The following PLA2G5 variants were observed in gnomAD, a reference collection of about 807,000 sequenced individuals.
PLA2G5 encodes the protein phospholipase A2 group V.
Under a neutral mutation model 15.9 loss-of-function variants are expected in PLA2G5, and 12 were observed. The ratio of observed to expected loss-of-function variants is 0.76; its 90% CI spans 0.48 to 1.23. PLA2G5 has a LOEUF of 1.23. PLA2G5 is among the 50% of genes most tolerant of loss of function. The pLI, the probability that PLA2G5 is intolerant of heterozygous loss-of-function variation, is 0.00. For missense variants in PLA2G5, 169 were observed against 177.1 expected (o/e 0.95, Z 0.26); for synonymous variants, 71 against 71.4 (o/e 0.99, Z 0.03).
intron 1 of PLA2G5, among the ~76,000 whole-genome samples, chr1:20,078,461 A>C (rs953074688): frequency 1.3e-5 from 2 of 151,994 alleles, no homozygotes; most frequent in Non-Finnish European, 2.9e-5. Flanking sequence ...AGAAGAAACG[A>C]AAATACAGGA....
intron 1 of PLA2G5, among the ~76,000 whole-genome samples, chr1:20,033,424 A>G (rs1025010330): frequency 1.3e-5 from 2 of 152,208 alleles, no homozygotes; most frequent in African/African-American, 4.8e-5. Context: ...AGGGTTACCT[A>G]TGAATAAGAC....
At chr1:20,071,283 A>AT in intron 1 of PLA2G5, among the ~76,000 whole-genome samples, 1 of 152,336 alleles carries the variant, frequency 6.6e-6, no homozygotes, top group South Asian at 2.1e-4. Flanking sequence ...TTTATTAGCC[A>AT]TTCAACAAAC....
intron 1 of PLA2G5, among the ~76,000 whole-genome samples, chr1:20,057,652 C>A (rs2014503217): frequency 6.6e-6 from 1 of 152,148 alleles, no homozygotes; most frequent in Non-Finnish European, 1.5e-5. Flanking sequence ...GCATGTGCCA[C>A]CACACCCAGC....
intron 1 of PLA2G5, among the ~76,000 whole-genome samples, chr1:20,049,569 G>A (rs1418633176): frequency 6.6e-6 from 1 of 152,066 alleles, no homozygotes; most frequent in Non-Finnish European, 1.5e-5. Context: ...TTTTTCCCTT[G>A]CTGTTCTCAT....
intron 3 of PLA2G5, 133 bp downstream of exon 3, chr1:20,086,360 A>C: frequency 1.9e-6 from 2 of 1,038,502 alleles, no homozygotes; most frequent in South Asian, 3.3e-5. Flanking sequence ...GCCTCAAAGA[A>C]ATTAGCTGGC....
At chr1:20,061,934 T>C (rs2014755471) in intron 2 of PLA2G5, among the ~76,000 whole-genome samples, 1 of 152,170 alleles carries the variant, frequency 6.6e-6, no homozygotes. Context: ...ATATTGGAGG[T>C]GGAGCCTGGT....
chr1:20,041,598 T>G (rs1244932732), intron 1 of PLA2G5, among the ~76,000 whole-genome samples: 1 of 152,140 alleles, frequency 6.6e-6, no homozygotes, highest in Non-Finnish European at 1.5e-5. Context: ...TGAGAAGTGA[T>G]TTCCTTGAGG....
intron 1 of PLA2G5, among the ~76,000 whole-genome samples, chr1:20,053,282 T>C (rs2014265528): frequency 6.6e-6 from 1 of 152,194 alleles, no homozygotes; most frequent in East Asian, 1.9e-4. Flanking sequence ...TTTGTTCAAT[T>C]GTAGTACAAA....
intron 1 of PLA2G5, among the ~76,000 whole-genome samples, chr1:20,041,294 T>C (rs1001859191): frequency 6.6e-6 from 1 of 152,172 alleles, no homozygotes; most frequent in Non-Finnish European, 1.5e-5. Flanking sequence ...CACCTGTGTC[T>C]GTGTGAAGAG....
intron 1 of PLA2G5, among the ~76,000 whole-genome samples, chr1:20,048,933 T>C (rs1375116229): frequency 6.6e-6 from 1 of 152,178 alleles, no homozygotes; most frequent in Non-Finnish European, 1.5e-5. Flanking sequence ...CCAATAAAAA[T>C]ATATTCGTAG....
chr1:20,032,822 T>C (rs2100275425), intron 1 of PLA2G5, among the ~76,000 whole-genome samples: 1 of 152,270 alleles, frequency 6.6e-6, no homozygotes, highest in African/African-American at 2.4e-5. Flanking sequence ...GCAGTAATGA[T>C]GGGGTTTTAA....
intron 2 of PLA2G5, among the ~76,000 whole-genome samples, chr1:20,085,823 C>T (rs1248303038): frequency 6.6e-6 from 1 of 152,192 alleles, no homozygotes; most frequent in Non-Finnish European, 1.5e-5. Flanking sequence ...AACTGAGGCT[C>T]TGACTCCATT....
At chr1:20,049,313 G>A (rs1179484154) in intron 1 of PLA2G5, among the ~76,000 whole-genome samples, 1 of 152,110 alleles carries the variant, frequency 6.6e-6, no homozygotes, top group Admixed American at 6.6e-5. Context: ...TATAATTAAA[G>A]GAACATTATA....
At chr1:20,080,962 C>T (rs968534763) in intron 1 of PLA2G5, among the ~76,000 whole-genome samples, 3 of 151,890 alleles carry the variant, frequency 2.0e-5, no homozygotes, top group Non-Finnish European at 4.4e-5. Context: ...AGCAGGAGGG[C>T]TCAGCAGTGC....
chr1:20,083,054 G>A (rs2016112504), intron 1 of PLA2G5, among the ~76,000 whole-genome samples: 1 of 151,954 alleles, frequency 6.6e-6, no homozygotes, highest in African/African-American at 2.4e-5. Context: ...GCACACCAGA[G>A]GTGCTCAGTG....
upstream of PLA2G5, among the ~76,000 whole-genome samples, chr1:20,066,292 A>G (rs1168525226): frequency 6.6e-6 from 1 of 152,150 alleles, no homozygotes; most frequent in African/African-American, 2.4e-5. Flanking sequence ...TTTGAGTTTT[A>G]GGAGTTCACT....
intron 1 of PLA2G5, among the ~76,000 whole-genome samples, chr1:20,029,748 T>C (rs1446552518): frequency 6.6e-6 from 1 of 152,120 alleles, no homozygotes; most frequent in East Asian, 1.9e-4. Context: ...ATAGTTAGTC[T>C]GGTGTGTGCG....
At chr1:20,075,495 T>C (rs1347612826) in intron 1 of PLA2G5, among the ~76,000 whole-genome samples, 2 of 152,228 alleles carry the variant, frequency 1.3e-5, no homozygotes, top group Non-Finnish European at 1.5e-5. Context: ...TACAATTATT[T>C]ACCCAATTAT....
chr1:20,032,122 G>A (rs2100269446), intron 1 of PLA2G5, among the ~76,000 whole-genome samples: 1 of 152,226 alleles, frequency 6.6e-6, no homozygotes, highest in South Asian at 2.1e-4. Flanking sequence ...TAACCTCTAG[G>A]GACTGTTTGG....
Sources: gnomAD v4.1 joint callset for allele counts (sites outside exome capture counted in the v4.1 genomes callset) on GRCh38, gnomAD v4.1.1 for gene constraint, MANE v1.5 for transcripts, NCBI Gene and HGNC (gene_info 2026-07-23, HGNC 2026-07-21) for gene names.